Variants in RHOU observed in about 807,000 individuals in gnomAD.
RHOU encodes rho-related GTP-binding protein RhoU.
RHOU carries 8 observed loss-of-function variants against 12.6 expected under a neutral mutation model. The ratio of observed to expected loss-of-function variants is 0.64; its 90% CI spans 0.37 to 1.15. The LOEUF is 1.15. RHOU is among the 50% of genes most tolerant of loss of function. RHOU has a pLI of 0.01. For missense variants in RHOU, 258 were observed against 347.0 expected, an observed-to-expected ratio of 0.74 and a Z score of 2.04; for synonymous variants, 161 against 147.4, an observed-to-expected ratio of 1.09 and a Z score of -0.67.
the RHOU span, among the ~76,000 whole-genome samples, chr1:228,721,816 T>G: frequency 5.6e-4 from 85 of 152,104 alleles, no homozygotes; most frequent in African/African-American, 2.0e-3. Context: ...ATGCACTAAT[T>G]TTGTATTTTG....
At chr1:228,722,588 G>A in the RHOU span, among the ~76,000 whole-genome samples, 5 of 151,226 alleles carry the variant, frequency 3.3e-5, no homozygotes, top group African/African-American at 1.2e-4. Context: ...TCAATGATAA[G>A]TTCGGTTTGT....
In RHOU at chr1:228,746,321, A is replaced by G. The variant is rs575352963; in HGVS notation, c.*2581A>G. On this transcript the variant is annotated 3_prime_UTR_variant, in exon 3 of 3. Transcript: ENST00000366691. The stretch of plus-strand genomic sequence containing the variant: ...AGCTTGGTATTGCAGAGAAGATTTT[A>G]TAAGAATTTTGCTTTAGAGAATGCC... 25 of 152,270 alleles carry G rather than the reference A, an allele frequency of 1.6e-4. No homozygotes were observed. Among genetic ancestry groups the G allele is most frequent in the Non-Finnish European group, 2.9e-4 (20 of 68,046 alleles). The allele number at this position is 152,270 out of a possible 1,614,324, so 9.4% of individuals were successfully genotyped here.
chr1:228,686,951 G>T, the RHOU span, among the ~76,000 whole-genome samples: 1 of 151,994 alleles, frequency 6.6e-6, no homozygotes, highest in Non-Finnish European at 1.5e-5. Context: ...TGTTGGCCAG[G>T]CTGGTCTCGA....
At chr1:228,652,183 C>T in the RHOU span, among the ~76,000 whole-genome samples, 1 of 152,196 alleles carries the variant, frequency 6.6e-6, no homozygotes, top group Non-Finnish European at 1.5e-5. Context: ...GTGGCGGCAC[C>T]AGGTGCCAGG....
At chr1:228,741,285 T>C (rs917003575) in intron 2 of RHOU, among the ~76,000 whole-genome samples, 9 of 152,176 alleles carry the variant, frequency 5.9e-5, no homozygotes, top group African/African-American at 2.2e-4. Flanking sequence ...CACGTGTGTA[T>C]TGCATTATTT....
the RHOU span, among the ~76,000 whole-genome samples, chr1:228,680,496 G>A: frequency 1.3e-5 from 2 of 152,190 alleles, no homozygotes; most frequent in Admixed American, 6.5e-5. Context: ...GTTGTGGGTT[G>A]TCTTACAGCG....
the RHOU span, chr1:228,687,703 T>A: frequency 3.4e-6 from 5 of 1,480,378 alleles, no homozygotes; most frequent in South Asian, 1.1e-5. Flanking sequence ...AATAAGCAGG[T>A]GAAAGCCATC....
upstream of RHOU, chr1:228,735,118 C>T (rs1243177560): frequency 6.6e-6 from 1 of 152,284 alleles, no homozygotes; most frequent in Admixed American, 6.5e-5. This position sits in a 1 kb window ranked among gnomAD's most constrained non-coding sequence, Gnocchi z 8.1. Flanking sequence ...GGCTTCCTGG[C>T]TCGCGTGGGC....
chr1:228,672,482 G>A, the RHOU span, among the ~76,000 whole-genome samples: 3 of 152,168 alleles, frequency 2.0e-5, no homozygotes, highest in Non-Finnish European at 4.4e-5. Context: ...TATTTTAAAA[G>A]AAAATTTTAA....
the RHOU span, among the ~76,000 whole-genome samples, chr1:228,647,508 C>T: frequency 2.6e-5 from 4 of 152,336 alleles, no homozygotes; most frequent in East Asian, 5.8e-4. Context: ...CCGGGTAAAG[C>T]AGTCCATGCG....
At chr1:228,706,004 C>G in the RHOU span, among the ~76,000 whole-genome samples, 1 of 152,072 alleles carries the variant, frequency 6.6e-6, no homozygotes, top group Non-Finnish European at 1.5e-5. Context: ...GAGATTGCAC[C>G]ATTGAACTTC....
chr1:228,672,235 T>A, the RHOU span, among the ~76,000 whole-genome samples: 1 of 152,236 alleles, frequency 6.6e-6, no homozygotes, highest in Non-Finnish European at 1.5e-5. Flanking sequence ...TGGTGCAACC[T>A]CAGCTCACTG....
At chr1:228,657,279 C>CAAAAAAAA in the RHOU span, among the ~76,000 whole-genome samples, 5 of 28,020 alleles carry the variant, frequency 1.8e-4, no homozygotes, top group East Asian at 2.4e-3. Flanking sequence ...AACTCCATCT[C>CAAAAAAAA]AAAAAAAAAA....
At chr1:228,669,512 G>GT in the RHOU span, among the ~76,000 whole-genome samples, 1 of 152,154 alleles carries the variant, frequency 6.6e-6, no homozygotes, top group African/African-American at 2.4e-5. Context: ...ACCTAAGAAT[G>GT]TTTTTTCTGC....
At chr1:228,648,956 T>C in the RHOU span, among the ~76,000 whole-genome samples, 3 of 151,872 alleles carry the variant, frequency 2.0e-5, no homozygotes, top group South Asian at 2.1e-4. Context: ...CCTCCTCTTC[T>C]GGGTTAAAGC....
At chr1:228,710,204 G>GA in the RHOU span, among the ~76,000 whole-genome samples, 1 of 152,164 alleles carries the variant, frequency 6.6e-6, no homozygotes, top group African/African-American at 2.4e-5. Flanking sequence ...GGACCAGATG[G>GA]ATTCACAGCC....
the RHOU span, among the ~76,000 whole-genome samples, chr1:228,684,974 G>C: frequency 6.6e-6 from 1 of 152,242 alleles, no homozygotes; most frequent in Non-Finnish European, 1.5e-5. Flanking sequence ...GAGCAGACCA[G>C]CTACTCCGAG....
the RHOU span, among the ~76,000 whole-genome samples, chr1:228,706,254 C>T: frequency 6.6e-6 from 1 of 152,116 alleles, no homozygotes; most frequent in Admixed American, 6.5e-5. Flanking sequence ...ACTTCTGACA[C>T]TGTCTGTTAA....
At chr1:228,700,702 A>G in the RHOU span, among the ~76,000 whole-genome samples, 2 of 152,236 alleles carry the variant, frequency 1.3e-5, no homozygotes, top group Non-Finnish European at 2.9e-5. Flanking sequence ...TACAATTTTC[A>G]AACATATATT....
Sources: allele counts gnomAD v4.1 joint callset (sites outside exome capture counted in the v4.1 genomes callset), GRCh38; gene constraint gnomAD v4.1.1; non-coding constraint Gnocchi (gnomAD v3.1); transcripts MANE v1.5; gene names NCBI Gene and HGNC (gene_info 2026-07-23, HGNC 2026-07-21).